Variants in CD28 observed in about 807,000 individuals in gnomAD.
CD28 encodes the protein T-cell-specific surface glycoprotein CD28.
A neutral mutation model predicts 21.4 loss-of-function variants in CD28; 8 were observed. That is an observed-to-expected ratio of 0.37 (90% CI 0.22 to 0.68). CD28 has a LOEUF of 0.68. Among genes scored for constraint, CD28 ranks in the 30% least tolerant of loss-of-function variants. CD28 has a pLI of 0.55. For missense variants in CD28, 239 were observed against 272.2 expected (o/e 0.88, Z 0.86); for synonymous variants, 106 against 104.0 (o/e 1.02, Z -0.12).
At chr2:203,729,304 G>T (rs1306480093) in intron 2 of CD28, among the ~76,000 whole-genome samples, 1 of 152,128 alleles carries the variant, frequency 6.6e-6, no homozygotes, top group African/African-American at 2.4e-5. Context: ...GCAGTTTAGG[G>T]TCTAGATTAA....
rs1265438004 is a variant in CD28, at chr2:203,726,860, T to A, written c.280T>A (p.Ser94Thr). 6.2e-7 allele frequency: 1 copy of A among 1,613,984 alleles called. No individual in the cohort carries two copies. The highest frequency in any genetic ancestry group is 8.5e-7 in the Non-Finnish European group (1 of 1,179,960). ...CTGTGATGGGAAATTGGGCAATGAA[T>A]CAGTGACATTCTACCTCCAGAATTT... The part of the protein sequence containing the change: ...FNCDGKLGNE[S>T]VTFYLQNLYV... Residue 94 changes from serine to threonine, a missense_variant, in exon 2 of 4, where the codon TCA becomes ACA. Ser to Thr is a moderately conservative substitution (Grantham distance 58). Coordinates refer to ENST00000324106, the MANE Select transcript of CD28 (RefSeq NM_006139.4).
intron 1 of CD28, among the ~76,000 whole-genome samples, chr2:203,722,341 A>C (rs993180687): frequency 4.6e-5 from 7 of 152,232 alleles, no homozygotes; most frequent in African/African-American, 1.7e-4. Flanking sequence ...AAAACAAAAA[A>C]ACAAATTGGA....
At chr2:203,726,585 A>G (rs1429520051) in intron 1 of CD28, 48 bp from the exon 2 acceptor site, 1 of 1,408,466 alleles carries the variant, frequency 7.1e-7, no homozygotes, top group Non-Finnish European at 9.8e-7. Context: ...AGGAAGAAAA[A>G]TTATCCTTAT....
chr2:203,713,157 T>C (rs556318500), intron 1 of CD28, among the ~76,000 whole-genome samples: 10 of 152,204 alleles, frequency 6.6e-5, no homozygotes, highest in Non-Finnish European at 1.5e-4. Flanking sequence ...TGTGTGAGGT[T>C]ATGGTGAAGC....
chr2:203,711,476 TGGA>T (rs1693309246), intron 1 of CD28, among the ~76,000 whole-genome samples: 1 of 152,206 alleles, frequency 6.6e-6, no homozygotes, highest in South Asian at 2.1e-4. Flanking sequence ...TGCAAGGTGG[TGGA>T]GAAGTTCTTA....
intron 1 of CD28, among the ~76,000 whole-genome samples, chr2:203,721,678 A>T (rs1016566310): frequency 6.6e-6 from 1 of 152,102 alleles, no homozygotes; most frequent in Non-Finnish European, 1.5e-5. Flanking sequence ...TCATCTCCTG[A>T]GATCCTTAGC....
intron 1 of CD28, among the ~76,000 whole-genome samples, chr2:203,718,682 C>G (rs1358985217): frequency 6.6e-6 from 1 of 152,192 alleles, no homozygotes; most frequent in Non-Finnish European, 1.5e-5. Context: ...ATCATGTATT[C>G]CAGCTCTCTA....
At chr2:203,733,164 C>T (rs1693943202) in intron 3 of CD28, among the ~76,000 whole-genome samples, 1 of 152,190 alleles carries the variant, frequency 6.6e-6, no homozygotes, top group South Asian at 2.1e-4. Context: ...CAGCTCTAGT[C>T]TTTCATTTAC....
intron 3 of CD28, among the ~76,000 whole-genome samples, chr2:203,732,124 A>C (rs533968048): frequency 6.6e-6 from 1 of 152,100 alleles, no homozygotes; most frequent in South Asian, 2.1e-4. Flanking sequence ...TTCCTGGGTA[A>C]TTTTCTGAGA....
rs763121398 is a variant in CD28 at position 203,726,823 on chromosome 2, A to T, written c.243A>T (p.Lys81Asn). 3 of 1,614,096 alleles carry T rather than the reference A, an allele frequency of 1.9e-6. No homozygotes were observed. Among genetic ancestry groups the T allele is most frequent in the Non-Finnish European group, 2.5e-6 (3 of 1,180,042 alleles). Residue 81 changes from lysine (K) to asparagine (N), a missense_variant, in exon 2 of 4, where the codon AAA becomes AAT. By Grantham distance (94) the Lys-to-Asn change is moderately conservative. Around this residue, in one of 3 missense-constraint regions of CD28, gnomAD observed 104 missense variants for 108.5 expected, o/e 0.96. Coordinates refer to ENST00000324106, the MANE Select transcript of CD28 (RefSeq NM_006139.4). ...NYSQQLQVYSKTGFNCDGKLG... is the reference protein window; with the variant it reads ...NYSQQLQVYSNTGFNCDGKLG... ...CCCAGCAGCTTCAGGTTTACTCAAAAACGGGGTTCAACTGTGATGGGAAAT... is the reference window on the plus strand; with the variant it reads ...CCCAGCAGCTTCAGGTTTACTCAAATACGGGGTTCAACTGTGATGGGAAAT...
chr2:203,723,671 G>A (rs1047315403), intron 1 of CD28, among the ~76,000 whole-genome samples: 2 of 152,126 alleles, frequency 1.3e-5, no homozygotes, highest in Non-Finnish European at 2.9e-5. Flanking sequence ...TAGAGAAATA[G>A]CAAATCAAAC....
chr2:203,719,072 A>G (rs1464309612), intron 1 of CD28, among the ~76,000 whole-genome samples: 1 of 152,126 alleles, frequency 6.6e-6, no homozygotes. Context: ...TTGGAAATGT[A>G]TTTTTTTCTA....
At position 203,732,408 on chromosome 2, in the gene CD28, C is replaced by T. The variant is rs576023486; in HGVS notation, c.535-2376C>T. ...ATGCAGCTGTGCTGGTAAAGCTGCCCGTTTTCCTAAAGAAATCTTTTTAAA... is the reference window on the plus strand; with the variant it reads ...ATGCAGCTGTGCTGGTAAAGCTGCCTGTTTTCCTAAAGAAATCTTTTTAAA... On this transcript the variant is annotated intron_variant, in intron 3 of 3. Coordinates refer to ENST00000324106, the MANE Select transcript of CD28 (RefSeq NM_006139.4). 4.6e-5 allele frequency among the ~76,000 whole-genome samples: 7 copies of T among 152,262 alleles called. No individual in the cohort carries two copies. In the South Asian group the frequency reaches 8.3e-4, roughly 18 times the overall value.
intron 3 of CD28, among the ~76,000 whole-genome samples, chr2:203,730,918 G>A (rs1693874611): frequency 6.6e-6 from 1 of 152,222 alleles, no homozygotes; most frequent in Non-Finnish European, 1.5e-5. Context: ...TGCGGGTACA[G>A]ACCTGGATCC....
Position 203,729,659 on chromosome 2 carries a change from TG to T in CD28, c.422del (p.Cys141PhefsTer29), listed in dbSNP as rs1693836406. On this transcript the variant is annotated frameshift_variant, in exon 3 of 4. Transcript: ENST00000324106. LOFTEE classifies it high-confidence loss of function. Reference protein sequence around the residue: ...TIIHVKGKHLCPSPLFPGPSK... With the variant: ...TIIHVKGKHLXPSPLFPGPSK... ...ATTTTGTTTTTCAGGGAAACACCTT[TG>T]TCCAAGTCCCCTATTTCCCGGACCT... 1 of 1,613,850 alleles carries T rather than the reference TG, an allele frequency of 6.2e-7. No homozygotes were observed. Among genetic ancestry groups the T allele is most frequent in the African/African-American group, 1.3e-5 (1 of 74,920 alleles).
intron 1 of CD28, among the ~76,000 whole-genome samples, chr2:203,722,942 T>C (rs1693642171): frequency 6.6e-6 from 1 of 152,222 alleles, no homozygotes; most frequent in African/African-American, 2.4e-5. Flanking sequence ...TTTTCCTCTG[T>C]TAGGCCACTG....
intron 1 of CD28, among the ~76,000 whole-genome samples, chr2:203,719,144 A>T (rs1163625384): frequency 1.3e-5 from 2 of 152,218 alleles, no homozygotes; most frequent in African/African-American, 4.8e-5. Context: ...CTGTCCATTT[A>T]TGATTTAAAA....
chr2:203,716,884 G>A (rs1225843518), intron 1 of CD28, among the ~76,000 whole-genome samples: 1 of 152,088 alleles, frequency 6.6e-6, no homozygotes, highest in Non-Finnish European at 1.5e-5. Context: ...AGGCTGGAGT[G>A]CAGTGGTACA....
intron 2 of CD28, among the ~76,000 whole-genome samples, chr2:203,727,470 T>C (rs371525897): frequency 5.3e-5 from 6 of 112,396 alleles, no homozygotes; most frequent in Non-Finnish European, 1.0e-4. Flanking sequence ...TCCTTCCTTT[T>C]CTTTTCTTTT....
Sources: allele counts gnomAD v4.1 joint callset (sites outside exome capture counted in the v4.1 genomes callset), GRCh38; gene constraint gnomAD v4.1.1; regional missense constraint gnomAD v4.1.1; transcripts MANE v1.5; gene names NCBI Gene and HGNC (gene_info 2026-07-23, HGNC 2026-07-21).